Variants in UBXN6 observed in about 807,000 individuals in gnomAD.
The protein encoded by UBXN6 is UBX domain-containing protein 6.
UBXN6 carries 44 observed loss-of-function variants against 51.4 expected under a neutral mutation model. The ratio of observed to expected loss-of-function variants is 0.86; its 90% CI spans 0.67 to 1.10. UBXN6 has a LOEUF of 1.10. Ranked by LOEUF, UBXN6 falls within the 50% of genes least tolerant of loss-of-function variation. The pLI is 0.00. For synonymous variants in UBXN6, 316 were observed against 263.2 expected, an observed-to-expected ratio of 1.20 and a Z score of -1.94; for missense variants, 672 against 596.1, an observed-to-expected ratio of 1.13 and a Z score of -1.32.
At chr19:4,454,119 G>T (rs777292954) in intron 1 of UBXN6, 26 bp from the exon 2 acceptor site, 1 of 1,504,812 alleles carries the variant, frequency 6.6e-7, no homozygotes, top group Non-Finnish European at 8.8e-7. Context: ...GGGAGAGTGA[G>T]TGTATCCTCC....
chr19:4,457,421 T>G (rs1255173140), intron 1 of UBXN6, among the ~76,000 whole-genome samples, 194 bp downstream of exon 1: 2 of 103,840 alleles, frequency 1.9e-5, no homozygotes, highest in Non-Finnish European at 3.9e-5. Flanking sequence ...CCCCCAGATC[T>G]CTCTCCCCTC....
intron 1 of UBXN6, 110 bp downstream of exon 1, chr19:4,457,505 G>C (rs1974756372): frequency 1.3e-6 from 1 of 792,882 alleles, no homozygotes; most frequent in East Asian, 1.1e-4. Context: ...CTCGCGTGCC[G>C]CTCCCAGCCC....
intron 6 of UBXN6, 155 bp downstream of exon 6, chr19:4,447,395 G>T: frequency 2.7e-6 from 2 of 748,626 alleles, no homozygotes; most frequent in East Asian, 2.6e-5. Context: ...ATCTTGTCCT[G>T]CTACCTTCTA....
chr19:4,447,673 C>T (rs768067182), intron 5 of UBXN6, 48 bp from the exon 6 acceptor site: 1 of 1,599,510 alleles, frequency 6.3e-7, no homozygotes, highest in South Asian at 1.1e-5. Flanking sequence ...GGCTGCCCAC[C>T]CGGCCCCTCT....
rs1185492044 is a variant in UBXN6, at chr19:4,457,756, G to A, written c.-59C>T. ...GGGCGGGGGGGCACGGGGCCCAGTC[G>A]GGGACGGGGCCGCCGGAGACCAGCC... On this transcript the variant is annotated 5_prime_UTR_variant, in exon 1 of 11. Transcript: ENST00000301281. The A allele has an allele frequency of 4.7e-6, 5 of 1,059,716 alleles. No homozygotes were observed. The highest frequency in any genetic ancestry group is 3.8e-5 in the Admixed American group (1 of 26,452). 65.6% of individuals were successfully genotyped at this position (1,059,716 alleles called of 1,614,324 possible). A position where few individuals can be genotyped will look rare whatever the true frequency, so the allele number is the denominator to read the frequency against.
At chr19:4,453,647 T>C (rs981263684) in intron 2 of UBXN6, 125 bp from the exon 3 acceptor site, 21 of 1,242,194 alleles carry the variant, frequency 1.7e-5, no homozygotes, top group Non-Finnish European at 2.1e-5. Context: ...CTGCTTCTGC[T>C]GGAGGTCAGG....
In UBXN6 at chr19:4,448,183, C is replaced by T; in HGVS notation, c.539+135G>A. 3 of 771,034 alleles carry T rather than the reference C, an allele frequency of 3.9e-6. No individual in the cohort carries two copies. In the South Asian group the frequency reaches 5.1e-5, roughly 13 times the overall value. The allele number at this position is 771,034 out of a possible 1,614,324, so 47.8% of individuals were successfully genotyped here. On this transcript the variant is annotated intron_variant, in intron 5 of 10. Coordinates refer to ENST00000301281, the MANE Select transcript of UBXN6 (RefSeq NM_025241.3). ...GCCTGAGGCCTCTGGGTGGAGCTGC[C>T]TCACTCTCGGCCTATGCTCCTTCCC...
At chr19:4,452,616 C>T (rs1358419334) in intron 3 of UBXN6, 124 bp from the exon 4 acceptor site, 10 of 1,337,510 alleles carry the variant, frequency 7.5e-6, no homozygotes, top group Non-Finnish European at 9.9e-6. Context: ...CTGTCCCTTC[C>T]ACCTGGTGGC....
rs1599675719 is a variant in UBXN6 at position 4,448,096 on chromosome 19, A to G, written c.539+222T>C. On this transcript the variant is annotated intron_variant, in intron 5 of 10. Coordinates refer to ENST00000301281, the MANE Select transcript of UBXN6 (RefSeq NM_025241.3). ...AGGAAGCCAGGGTGGGAAACCCCTG[A>G]TTCCTTCAACACCTTCATTTTGCAC... is the stretch of plus-strand genomic sequence containing the variant. 4 of 587,160 alleles carry G rather than the reference A, an allele frequency of 6.8e-6. No homozygotes were observed. The East Asian group carries it at 1.1e-4, about 17-fold the overall frequency. The allele number at this position is 587,160 out of a possible 1,614,324, so 36.4% of individuals were successfully genotyped here. A position where few individuals can be genotyped will look rare whatever the true frequency, so the allele number is the denominator to read the frequency against.
chr19:4,457,750 C>T lies in UBXN6; in HGVS notation c.-53G>A. The T allele has an allele frequency of 8.2e-7, 1 of 1,222,312 alleles. No homozygotes were observed. Among genetic ancestry groups the T allele is most frequent in the South Asian group, 1.5e-5 (1 of 66,380 alleles). 75.7% of individuals were successfully genotyped at this position (1,222,312 alleles called of 1,614,324 possible). On this transcript the variant is annotated 5_prime_UTR_variant, in exon 1 of 11. Coordinates refer to ENST00000301281, the MANE Select transcript of UBXN6 (RefSeq NM_025241.3). ...CCGCGGGGGCGGGGGGGCACGGGGC[C>T]CAGTCGGGGACGGGGCCGCCGGAGA...
intron 6 of UBXN6, chr19:4,447,227 T>G (rs1166867827): frequency 1.8e-6 from 1 of 570,374 alleles, no homozygotes. Context: ...TCCCTGCCCT[T>G]TCCCCCAGAA....
At chr19:4,445,824 G>T in intron 10 of UBXN6, 1 of 1,036,348 alleles carries the variant, frequency 9.6e-7, no homozygotes, top group Non-Finnish European at 1.4e-6. Context: ...ACTAGCTAAC[G>T]CACGTCACCG....
intron 3 of UBXN6, 112 bp from the exon 4 acceptor site, chr19:4,452,604 T>C (rs1974673529): frequency 7.2e-7 from 1 of 1,395,546 alleles, no homozygotes; most frequent in African/African-American, 1.4e-5. Flanking sequence ...CCAGCCCCCA[T>C]GCTGTCCCTT....
intron 2 of UBXN6, 51 bp from the exon 3 acceptor site, chr19:4,453,573 G>C: frequency 6.3e-7 from 1 of 1,590,924 alleles, no homozygotes; most frequent in South Asian, 1.1e-5. Flanking sequence ...TGAGCACGCC[G>C]CTGTCCTGGC....
In UBXN6 at chr19:4,445,784, G is replaced by A. The variant is rs1974498018; in HGVS notation, c.1201-161C>T. Reference sequence around the variant, plus strand: ...CAGGCCTCCTGCCCTCTCCCTCCGGGACTCCAGGACCTAAGCCTAAACCTA... The same window carrying A: ...CAGGCCTCCTGCCCTCTCCCTCCGGAACTCCAGGACCTAAGCCTAAACCTA... On this transcript the variant is annotated intron_variant, in intron 10 of 10. Coordinates refer to ENST00000301281, the MANE Select transcript of UBXN6 (RefSeq NM_025241.3). 2.4e-6 allele frequency: 3 copies of A among 1,233,794 alleles called. No individual in the cohort carries two copies. In the South Asian group the frequency reaches 4.6e-5, roughly 19 times the overall value. 76.4% of individuals were successfully genotyped at this position (1,233,794 alleles called of 1,614,324 possible).
chr19:4,446,483 G>GCGGA lies in UBXN6; in HGVS notation c.920+13_920+16dup, dbSNP rs1310151556. ...ACCCCGCCCCGCCCCACTCTGCTCC[G>GCGGA]CGGACGTCAGGCCCACCTGAGCCTC... On this transcript the variant is annotated intron_variant, in intron 8 of 10. Coordinates refer to ENST00000301281, the MANE Select transcript of UBXN6 (RefSeq NM_025241.3). The GCGGA allele has an allele frequency of 6.3e-7, 1 of 1,599,684 alleles. No homozygotes were observed. The highest frequency in any genetic ancestry group is 1.3e-5 in the African/African-American group (1 of 74,766).
chr19:4,455,801 A>C (rs1330875581), intron 1 of UBXN6, among the ~76,000 whole-genome samples: 2 of 151,964 alleles, frequency 1.3e-5, no homozygotes, highest in East Asian at 3.9e-4. Context: ...GGAGAGAAGG[A>C]GGGGCAGATT....
At chr19:4,456,379 C>T (rs1251357992) in intron 1 of UBXN6, among the ~76,000 whole-genome samples, 2 of 151,642 alleles carry the variant, frequency 1.3e-5, no homozygotes, top group African/African-American at 2.4e-5. Context: ...CCCCACTGCC[C>T]CGTGATTCCT....
At chr19:4,447,279 G>A (rs528541722) in intron 6 of UBXN6, 15 of 572,164 alleles carry the variant, frequency 2.6e-5, no homozygotes, top group East Asian at 5.8e-5. Flanking sequence ...CCCCAGAGTC[G>A]ACATGTTCCC....
Sources: allele counts gnomAD v4.1 joint callset (sites outside exome capture counted in the v4.1 genomes callset), GRCh38; gene constraint gnomAD v4.1.1; transcripts MANE v1.5; gene names NCBI Gene and HGNC (gene_info 2026-07-23, HGNC 2026-07-21).